Variants in UNC13C observed in about 807,000 individuals in gnomAD.
UNC13C encodes unc-13 homolog C, also known as protein unc-13 homolog C.
In UNC13C, 174 loss-of-function variants were observed where a neutral mutation model predicts 245.4. The ratio of observed to expected loss-of-function variants is 0.71; its 90% CI spans 0.63 to 0.80. The LOEUF (loss-of-function observed/expected upper bound fraction) is 0.80, where lower values mean the gene tolerates loss of function less well. Among genes scored for constraint, UNC13C ranks in the 30% least tolerant of loss-of-function variants. The probability of loss-of-function intolerance (pLI) is 0.00; values close to 1 mark genes in which losing one functional copy is unlikely to be tolerated. For synonymous variants in UNC13C, 992 were observed against 895.1 expected (o/e 1.11, Z -1.93); for missense variants, 2,829 against 2,602.9 (o/e 1.09, Z -1.89).
At chr15:54,620,588 A>T (rs1008792994) in intron 30 of UNC13C, among the ~76,000 whole-genome samples, 1 of 151,940 alleles carries the variant, frequency 6.6e-6, no homozygotes, top group Non-Finnish European at 1.5e-5. Context: ...CTTTGGCTCT[A>T]TTCTCGGCTG....
intron 27 of UNC13C, among the ~76,000 whole-genome samples, chr15:54,549,105 G>A (rs977493881): frequency 6.6e-6 from 1 of 152,258 alleles, no homozygotes; most frequent in African/African-American, 2.4e-5. Flanking sequence ...TTCTAGTAAA[G>A]CATTGGATAG....
intron 28 of UNC13C, among the ~76,000 whole-genome samples, chr15:54,550,532 C>T (rs1289122010): frequency 6.6e-6 from 1 of 152,020 alleles, no homozygotes; most frequent in Non-Finnish European, 1.5e-5. Flanking sequence ...TTCATATGTA[C>T]AGCACAGGGG....
chr15:54,520,464 C>T (rs1895167953), intron 24 of UNC13C, among the ~76,000 whole-genome samples: 1 of 152,110 alleles, frequency 6.6e-6, no homozygotes, highest in African/African-American at 2.4e-5. Flanking sequence ...ACATGATTCT[C>T]AGGCATGCTG....
chr15:54,040,334 A>T (rs1228262486), intron 2 of UNC13C, among the ~76,000 whole-genome samples: 1 of 152,146 alleles, frequency 6.6e-6, no homozygotes, highest in Non-Finnish European at 1.5e-5. Context: ...GTCCAATCCC[A>T]CTTAAGAACC....
intron 17 of UNC13C, among the ~76,000 whole-genome samples, chr15:54,350,459 T>C (rs1290671498): frequency 6.6e-6 from 1 of 152,132 alleles, no homozygotes; most frequent in Non-Finnish European, 1.5e-5. Context: ...ACGGATGGAA[T>C]GAATCGGCAG....
chr15:54,074,485 G>A lies in UNC13C; in HGVS notation c.2983+58599G>A, dbSNP rs191648018. ...CTTTGGAAAGTATGGCCATTTTCAC[G>A]ATATTGATTCTTTGTATTCATTAGC... On this transcript the variant is annotated intron_variant, in intron 2 of 32. Coordinates refer to ENST00000260323, the MANE Select transcript of UNC13C (RefSeq NM_001080534.3). Among the ~76,000 whole-genome samples the A allele has an allele frequency of 1.0e-3, 157 of 152,258 alleles. 1 individual carries two copies. The Middle Eastern group carries it at 0.031, about 30-fold the overall frequency.
Position 54,303,196 on chromosome 15 carries a change from T to C in UNC13C, c.4268+2823T>C, listed in dbSNP as rs115738305. Among the ~76,000 whole-genome samples, 1,189 of 152,256 alleles carry C rather than the reference T, an allele frequency of 7.8e-3. 12 individuals are homozygous for C. The highest frequency in any genetic ancestry group is 0.027 in the African/African-American group (1,138 of 41,564). On this transcript the variant is annotated intron_variant, in intron 13 of 32. Transcript: ENST00000260323. ...ACTTTGGAGGGAACTTGTTTTATAA[T>C]TGGTCAACCATAATAGAGTCTGTGA...
the UNC13C span, among the ~76,000 whole-genome samples, chr15:53,937,011 A>G: frequency 6.6e-6 from 1 of 152,338 alleles, no homozygotes; most frequent in South Asian, 2.1e-4. Flanking sequence ...CAGCAAGGGC[A>G]CAGAACTGGG....
chr15:53,998,012 A>G (rs1894713445), intron 1 of UNC13C, among the ~76,000 whole-genome samples: 1 of 152,044 alleles, frequency 6.6e-6, no homozygotes, highest in African/African-American at 2.4e-5. Flanking sequence ...CATGTTGCCC[A>G]GGCTGGTCTA....
At chr15:54,219,156 A>C (rs1461441963) in intron 4 of UNC13C, among the ~76,000 whole-genome samples, 1 of 152,156 alleles carries the variant, frequency 6.6e-6, no homozygotes, top group East Asian at 1.9e-4. Flanking sequence ...TCCTAAGCCA[A>C]AAGAACAAAG....
chr15:54,415,582 G>T (rs995215129), intron 19 of UNC13C, among the ~76,000 whole-genome samples: 2 of 152,140 alleles, frequency 1.3e-5, no homozygotes, highest in Admixed American at 1.3e-4. Flanking sequence ...AATATTCTTT[G>T]TGCACCCTCA....
At chr15:54,425,897 T>C (rs1370906965) in intron 19 of UNC13C, among the ~76,000 whole-genome samples, 1 of 151,846 alleles carries the variant, frequency 6.6e-6, no homozygotes, top group East Asian at 1.9e-4. Context: ...CAGCCTTTCT[T>C]TCTGGAGACT....
intron 4 of UNC13C, among the ~76,000 whole-genome samples, chr15:54,207,949 C>T (rs776057332): frequency 5.9e-5 from 9 of 152,042 alleles, no homozygotes; most frequent in Non-Finnish European, 8.8e-5. Flanking sequence ...TTGTCTCAGG[C>T]TATTTTTAGT....
intron 19 of UNC13C, among the ~76,000 whole-genome samples, chr15:54,483,456 T>C (rs1893236967): frequency 6.6e-6 from 1 of 152,190 alleles, no homozygotes; most frequent in South Asian, 2.1e-4. Flanking sequence ...TTTTTCTTTG[T>C]TTTTAATTTC....
chr15:53,928,887 G>C, the UNC13C span, among the ~76,000 whole-genome samples: 1 of 152,124 alleles, frequency 6.6e-6, no homozygotes, highest in Non-Finnish European at 1.5e-5. Flanking sequence ...GTTCTCTTTG[G>C]GAAGACTTCA....
chr15:53,901,136 A>T, the UNC13C span, among the ~76,000 whole-genome samples: 2,232 of 151,592 alleles, frequency 0.015, 92 homozygotes, highest in East Asian at 0.12. Context: ...CATAATAGTC[A>T]TGGGTTTATT....
intron 2 of UNC13C, among the ~76,000 whole-genome samples, chr15:54,134,119 T>A (rs951369045): frequency 2.0e-5 from 3 of 150,940 alleles, no homozygotes; most frequent in Middle Eastern, 3.5e-3. Context: ...GAGAAAACAA[T>A]GTAGTATTAT....
intron 24 of UNC13C, among the ~76,000 whole-genome samples, chr15:54,513,132 A>G (rs966656397): frequency 4.6e-5 from 7 of 152,170 alleles, no homozygotes; most frequent in Non-Finnish European, 8.8e-5. Context: ...TGAATTAGGT[A>G]AGCACAACCA....
At chr15:54,396,227 A>G (rs915214338) in intron 18 of UNC13C, among the ~76,000 whole-genome samples, 1 of 151,734 alleles carries the variant, frequency 6.6e-6, no homozygotes, top group African/African-American at 2.4e-5. Context: ...CATTACCCCA[A>G]TAATTCATCC....
Sources: gnomAD v4.1 joint callset for allele counts (sites outside exome capture counted in the v4.1 genomes callset) on GRCh38, gnomAD v4.1.1 for gene constraint, MANE v1.5 for transcripts, NCBI Gene and HGNC (gene_info 2026-07-23, HGNC 2026-07-21) for gene names.